The following ETHE1 variants were observed in gnomAD, a reference collection of about 807,000 sequenced individuals.
ETHE1 encodes ETHE1 persulfide dioxygenase, also known as persulfide dioxygenase ETHE1, mitochondrial.
Under a neutral mutation model 25.7 loss-of-function variants are expected in ETHE1, and 16 were observed. That is an observed-to-expected ratio of 0.62 (90% CI 0.42 to 0.95). The LOEUF is 0.95. ETHE1 is among the 40% of genes least tolerant of loss of function. The probability of loss-of-function intolerance (pLI) is 0.00; values close to 1 mark genes in which losing one functional copy is unlikely to be tolerated. For missense variants in ETHE1, 300 were observed against 333.6 expected, an observed-to-expected ratio of 0.90 and a Z score of 0.79; for synonymous variants, 139 against 135.9, an observed-to-expected ratio of 1.02 and a Z score of -0.16.
chr19:43,521,706 A>T (rs1290389212), intron 3 of ETHE1, among the ~76,000 whole-genome samples: 1 of 152,030 alleles, frequency 6.6e-6, no homozygotes, highest in Admixed American at 6.6e-5. Context: ...AACTCATTCT[A>T]CAATGAAACC....
intron 3 of ETHE1, among the ~76,000 whole-genome samples, chr19:43,522,540 C>T (rs903691549): frequency 2.0e-5 from 3 of 151,808 alleles, no homozygotes; most frequent in Non-Finnish European, 4.4e-5. Flanking sequence ...GCAATGGCAC[C>T]ATCTGGGCTC....
At chr19:43,511,074 G>C (rs1971905284) in intron 4 of ETHE1, among the ~76,000 whole-genome samples, 1 of 152,002 alleles carries the variant, frequency 6.6e-6, no homozygotes, top group South Asian at 2.1e-4. Context: ...GTCTCTCCCA[G>C]ATGTGACCAT....
intron 3 of ETHE1, among the ~76,000 whole-genome samples, chr19:43,515,081 G>A (rs543295053): frequency 9.2e-5 from 14 of 152,132 alleles, no homozygotes; most frequent in Admixed American, 7.2e-4. Context: ...AAGCAATACC[G>A]TTGAAATAAA....
At chr19:43,507,050 A>C in intron 6 of ETHE1, 148 bp from the exon 7 acceptor site, 1 of 778,710 alleles carries the variant, frequency 1.3e-6, no homozygotes, top group South Asian at 1.5e-5. Context: ...CCAGGAGTCC[A>C]GTACCCCAGC....
chr19:43,524,259 C>A (rs2146014033), intron 3 of ETHE1, among the ~76,000 whole-genome samples: 1 of 152,084 alleles, frequency 6.6e-6, no homozygotes, highest in East Asian at 1.9e-4. Flanking sequence ...GTGGCGCACG[C>A]CTGTAATCCC....
intron 3 of ETHE1, among the ~76,000 whole-genome samples, chr19:43,520,859 T>C (rs979573899): frequency 6.6e-6 from 1 of 152,104 alleles, no homozygotes; most frequent in Non-Finnish European, 1.5e-5. Context: ...TTTTAAAACA[T>C]GCCAATTCCT....
chr19:43,512,466 G>A (rs2145986860), intron 3 of ETHE1, among the ~76,000 whole-genome samples: 1 of 152,300 alleles, frequency 6.6e-6, no homozygotes, highest in South Asian at 2.1e-4. Flanking sequence ...TGTTAGCAAA[G>A]AGACTGGCAG....
chr19:43,508,207 CTA>C lies in ETHE1; in HGVS notation c.596-149_596-148del. 3 of 1,330,648 alleles carry C rather than the reference CTA, an allele frequency of 2.3e-6. No individual in the cohort carries two copies. In the South Asian group the frequency reaches 4.1e-5, roughly 18 times the overall value. 82.4% of individuals were successfully genotyped at this position (1,330,648 alleles called of 1,614,324 possible). ...AATTGCTTTCCCTCCTCCATGGACA[CTA>C]TGGGAAATTTAGTTTTCCCCCAGTT... is the stretch of plus-strand genomic sequence containing the variant. On this transcript the variant is annotated intron_variant, in intron 5 of 6. Transcript: ENST00000292147.
intron 4 of ETHE1, among the ~76,000 whole-genome samples, chr19:43,510,359 G>C (rs917425514): frequency 7.9e-5 from 10 of 126,136 alleles, no homozygotes; most frequent in Non-Finnish European, 3.2e-5. Flanking sequence ...TTTTTGAGAT[G>C]AAGTCTCACT....
chr19:43,523,676 T>C (rs987302149), intron 3 of ETHE1, among the ~76,000 whole-genome samples: 8 of 152,100 alleles, frequency 5.3e-5, no homozygotes, highest in Non-Finnish European at 1.0e-4. Context: ...GGCTCACGCC[T>C]ATAATCCCAG....
At chr19:43,516,623 C>CTTTTTTTTTTTTTTTTTTTTTT (rs71169249) in intron 3 of ETHE1, among the ~76,000 whole-genome samples, 1 of 110,172 alleles carries the variant, frequency 9.1e-6, no homozygotes, top group East Asian at 2.7e-4. Flanking sequence ...TTCTTTTTTT[C>CTTTTTTTTTTTTTTTTTTTTTT]TTTTTTTTTT....
chr19:43,526,917 G>T, intron 1 of ETHE1, 180 bp downstream of exon 1: 1 of 1,482,064 alleles, frequency 6.7e-7, no homozygotes. Flanking sequence ...CCCAAGCCCA[G>T]AGGCCCCCAG....
chr19:43,509,748 A>G (rs1359987447), intron 4 of ETHE1, among the ~76,000 whole-genome samples: 1 of 152,148 alleles, frequency 6.6e-6, no homozygotes, highest in African/African-American at 2.4e-5. Context: ...GTGAGCCAAG[A>G]TTGCACCACT....
chr19:43,514,876 G>T (rs1490770575), intron 3 of ETHE1, among the ~76,000 whole-genome samples: 2 of 152,254 alleles, frequency 1.3e-5, no homozygotes, highest in East Asian at 3.9e-4. Flanking sequence ...TTAAGGAAAA[G>T]ATCAGTCAGA....
chr19:43,507,615 C>A lies in ETHE1; in HGVS notation c.712+329G>T, dbSNP rs7248118. 273 of 475,094 alleles carry A rather than the reference C, an allele frequency of 5.7e-4. 3 individuals carry two copies. Among genetic ancestry groups the A allele is most frequent in the African/African-American group, 4.7e-3 (220 of 46,350 alleles). The allele number at this position is 475,094 out of a possible 1,614,324, so 29.4% of individuals were successfully genotyped here. ...GCCCCCAGCTCCTCCTCCCTCAGAC[C>A]CAGGACCCCAGGCCCCCAGCCCCTC... On this transcript the variant is annotated intron_variant, in intron 6 of 6. Coordinates refer to ENST00000292147, the MANE Select transcript of ETHE1 (RefSeq NM_014297.5).
chr19:43,525,700 G>A, intron 3 of ETHE1: 1 of 201,826 alleles, frequency 5.0e-6, no homozygotes, highest in South Asian at 7.9e-5. Flanking sequence ...TCACTCACAG[G>A]TGCGGACCCT....
At position 43,526,793 on chromosome 19, in the gene ETHE1, G is replaced by A; in HGVS notation, c.82-134C>T. On this transcript the variant is annotated intron_variant, in intron 1 of 6. Coordinates refer to ENST00000292147, the MANE Select transcript of ETHE1 (RefSeq NM_014297.5). ...CCAGCCCACTCTTTCCCCGGGAGTCGGGAGTCCGGAGCCCCACTACCTTCC... is the reference window on the plus strand; with the variant it reads ...CCAGCCCACTCTTTCCCCGGGAGTCAGGAGTCCGGAGCCCCACTACCTTCC... The A allele has an allele frequency of 2.0e-6, 3 of 1,526,398 alleles. No individual in the cohort carries two copies. In the Admixed American group the frequency reaches 5.8e-5, roughly 30 times the overall value. 94.6% of individuals were successfully genotyped at this position (1,526,398 alleles called of 1,614,324 possible).
intron 4 of ETHE1, among the ~76,000 whole-genome samples, chr19:43,509,237 C>T (rs923124152): frequency 3.3e-5 from 5 of 152,174 alleles, no homozygotes; most frequent in African/African-American, 1.2e-4. Flanking sequence ...TGGCTCATGC[C>T]TGTAATCCTA....
At chr19:43,513,717 T>C (rs1971964870) in intron 3 of ETHE1, among the ~76,000 whole-genome samples, 1 of 149,040 alleles carries the variant, frequency 6.7e-6, no homozygotes, top group Non-Finnish European at 1.5e-5. Context: ...CTTTATTTTG[T>C]TGTTGATTTT....
Sources: allele counts gnomAD v4.1 joint callset (sites outside exome capture counted in the v4.1 genomes callset), GRCh38; gene constraint gnomAD v4.1.1; transcripts MANE v1.5; gene names NCBI Gene and HGNC (gene_info 2026-07-23, HGNC 2026-07-21).